Variants in GRM7 observed in about 807,000 individuals in gnomAD.
GRM7 encodes the protein metabotropic glutamate receptor 7.
GRM7 carries 35 observed loss-of-function variants against 84.5 expected under a neutral mutation model. That is an observed-to-expected ratio of 0.41 (90% CI 0.32 to 0.55). The LOEUF is 0.55. GRM7 is among the 20% of genes least tolerant of loss of function. The probability of loss-of-function intolerance (pLI) is 0.19; values close to 1 mark genes in which losing one functional copy is unlikely to be tolerated. For synonymous variants in GRM7, 487 were observed against 455.1 expected (o/e 1.07, Z -0.89); for missense variants, 1,003 against 1,194.6 (o/e 0.84, Z 2.36).
intron 1 of GRM7, among the ~76,000 whole-genome samples, chr3:7,030,557 A>T (rs765385922): frequency 6.6e-6 from 1 of 152,224 alleles, no homozygotes; most frequent in Non-Finnish European, 1.5e-5. Context: ...ATCTATATGT[A>T]TAGGCTGGCC....
chr3:7,645,567 AAAAAG>A (rs1559461053), intron 8 of GRM7, among the ~76,000 whole-genome samples: 7 of 148,870 alleles, frequency 4.7e-5, no homozygotes, highest in South Asian at 2.1e-4. Context: ...AAAAAAAAAA[AAAAAG>A]AAAAGAAAAA....
intron 1 of GRM7, among the ~76,000 whole-genome samples, chr3:7,042,677 A>T (rs1696671592): frequency 6.6e-6 from 1 of 151,876 alleles, no homozygotes. Flanking sequence ...TTATATTTTC[A>T]TCTTTTAAAC....
chr3:6,995,970 C>T (rs1364867202), intron 1 of GRM7, among the ~76,000 whole-genome samples: 1 of 152,178 alleles, frequency 6.6e-6, no homozygotes, highest in Non-Finnish European at 1.5e-5. Context: ...AGTACTGTTG[C>T]ATAGGTATGC....
At chr3:7,511,613 C>T (rs772273803) in intron 7 of GRM7, among the ~76,000 whole-genome samples, 3 of 152,218 alleles carry the variant, frequency 2.0e-5, no homozygotes, top group African/African-American at 7.2e-5. Context: ...AGTGACTGAA[C>T]ACCTGGGAGC....
In GRM7 at chr3:7,093,694, AAAAAAAAAAAAAAAAAAAAAG is replaced by A. The variant is rs1170059446; in HGVS notation, c.520-52757_520-52737del. On this transcript the variant is annotated intron_variant, in intron 1 of 9. Transcript: ENST00000357716. ...TCTGTCTCAAAAAAAAAAAAAAAAAAAAAAAAAAAAAAAAAAAAAAGGTAGTTAGTGGCCTTTGCTCTTTTA... is the reference window on the plus strand; with the variant it reads ...TCTGTCTCAAAAAAAAAAAAAAAAAAGTAGTTAGTGGCCTTTGCTCTTTTA... 3.9e-3 allele frequency among the ~76,000 whole-genome samples: 535 copies of A among 137,396 alleles called. 20 individuals are homozygous for A. Among genetic ancestry groups the A allele is most frequent in the African/African-American group, 0.014 (504 of 35,780 alleles). The allele number at this position is 137,396 out of a possible 152,430, so 90.1% of individuals were successfully genotyped here. A position where few individuals can be genotyped will look rare whatever the true frequency, so the allele number is the denominator to read the frequency against.
chr3:7,542,413 T>A (rs1692924620), intron 7 of GRM7, among the ~76,000 whole-genome samples: 2 of 152,180 alleles, frequency 1.3e-5, no homozygotes, highest in African/African-American at 4.8e-5. Flanking sequence ...TATAGCCTGC[T>A]CCCTCTCTGT....
At chr3:7,144,630 C>T (rs1022653164) in intron 1 of GRM7, among the ~76,000 whole-genome samples, 2 of 152,136 alleles carry the variant, frequency 1.3e-5, no homozygotes, top group Admixed American at 1.3e-4. Context: ...TTCCAGGCAT[C>T]GTGCAAAGCA....
intron 1 of GRM7, among the ~76,000 whole-genome samples, chr3:6,980,832 C>T (rs530679315): frequency 1.3e-5 from 2 of 152,272 alleles, no homozygotes; most frequent in South Asian, 2.1e-4. Flanking sequence ...AAAAGATGGA[C>T]AGTAAAGTGC....
At chr3:7,185,196 G>A (rs901203836) in intron 2 of GRM7, among the ~76,000 whole-genome samples, 1 of 152,116 alleles carries the variant, frequency 6.6e-6, no homozygotes, top group Non-Finnish European at 1.5e-5. Context: ...GGCAAAAAAA[G>A]CAGCTTATAC....
chr3:7,235,138 T>A (rs1226806893), intron 2 of GRM7, among the ~76,000 whole-genome samples: 2 of 152,220 alleles, frequency 1.3e-5, no homozygotes, highest in Non-Finnish European at 2.9e-5. Context: ...ATTAAACCTA[T>A]GTTACCTTAC....
At chr3:7,036,868 G>A (rs1407698680) in intron 1 of GRM7, among the ~76,000 whole-genome samples, 1 of 152,058 alleles carries the variant, frequency 6.6e-6, no homozygotes, top group East Asian at 1.9e-4. Flanking sequence ...CAGGCAAATC[G>A]TGAACTATTA....
chr3:7,656,260 A>G (rs1699172926), intron 8 of GRM7, among the ~76,000 whole-genome samples: 1 of 152,138 alleles, frequency 6.6e-6, no homozygotes. Context: ...AGGCCAAGGC[A>G]GGTGGATCAC....
chr3:7,519,155 G>A (rs1700498728), intron 7 of GRM7, among the ~76,000 whole-genome samples: 3 of 152,054 alleles, frequency 2.0e-5, no homozygotes, highest in Admixed American at 2.0e-4. Flanking sequence ...TTTTGCTTAA[G>A]TAAGCCATTT....
intron 7 of GRM7, among the ~76,000 whole-genome samples, chr3:7,475,666 C>T (rs1046974917): frequency 3.3e-5 from 5 of 152,126 alleles, no homozygotes; most frequent in African/African-American, 1.2e-4. Context: ...GAGGCTTGAG[C>T]AGAAGACTAA....
At chr3:7,391,853 A>C (rs1695011960) in intron 4 of GRM7, among the ~76,000 whole-genome samples, 1 of 152,032 alleles carries the variant, frequency 6.6e-6, no homozygotes, top group African/African-American at 2.4e-5. Flanking sequence ...GTTTGCCTTC[A>C]GTGGGGGTGG....
At chr3:7,483,994 G>C (rs1486370565) in intron 7 of GRM7, among the ~76,000 whole-genome samples, 3 of 152,050 alleles carry the variant, frequency 2.0e-5, no homozygotes, top group Non-Finnish European at 4.4e-5. Flanking sequence ...TAATATAATT[G>C]AATATGCTTC....
chr3:7,080,906 A>G (rs1050056716), intron 1 of GRM7, among the ~76,000 whole-genome samples: 9 of 152,192 alleles, frequency 5.9e-5, no homozygotes, highest in African/African-American at 1.9e-4. Flanking sequence ...AAATGAATTA[A>G]TCTAGTTCAA....
At chr3:6,922,126 A>C (rs1440641459) in intron 1 of GRM7, among the ~76,000 whole-genome samples, 2 of 152,136 alleles carry the variant, frequency 1.3e-5, no homozygotes, top group African/African-American at 4.8e-5. Context: ...CTTTTTTTAT[A>C]GATGTGCAAC....
chr3:7,380,518 C>T (rs545605574), intron 4 of GRM7, among the ~76,000 whole-genome samples: 1 of 152,276 alleles, frequency 6.6e-6, no homozygotes, highest in African/African-American at 2.4e-5. Context: ...TCTCTCTCAA[C>T]CTTATTCTTT....
Sources: gnomAD v4.1 joint callset for allele counts (sites outside exome capture counted in the v4.1 genomes callset) on GRCh38, gnomAD v4.1.1 for gene constraint, MANE v1.5 for transcripts, NCBI Gene and HGNC (gene_info 2026-07-23, HGNC 2026-07-21) for gene names.